DOCK4: variants seen among roughly 807,000 people sequenced by gnomAD.
The protein encoded by DOCK4 is dedicator of cytokinesis protein 4.
DOCK4 carries 97 observed loss-of-function variants against 268.1 expected under a neutral mutation model. The observed-to-expected ratio is 0.36, with a 90% CI of 0.31 to 0.43. The LOEUF is 0.43. Among genes scored for constraint, DOCK4 ranks in the 20% least tolerant of loss-of-function variants. DOCK4 has a pLI of 1.00. For synonymous variants in DOCK4, 954 were observed against 887.2 expected, an observed-to-expected ratio of 1.08 and a Z score of -1.34; for missense variants, 2,145 against 2,455.7, an observed-to-expected ratio of 0.87 and a Z score of 2.67.
intron 1 of DOCK4, among the ~76,000 whole-genome samples, chr7:112,010,990 T>C (rs1234114753): frequency 6.6e-6 from 1 of 152,172 alleles, no homozygotes; most frequent in Non-Finnish European, 1.5e-5. Context: ...TGGAAATCAA[T>C]GACTCTCCCT....
intron 1 of DOCK4, among the ~76,000 whole-genome samples, chr7:112,005,345 AAATT>A (rs1397618741): frequency 2.6e-5 from 4 of 152,190 alleles, no homozygotes; most frequent in Non-Finnish European, 5.9e-5. Flanking sequence ...TCTCAAAACA[AAATT>A]AACAGTAGAG....
At chr7:112,018,166 A>AC (rs1562997140) in intron 1 of DOCK4, among the ~76,000 whole-genome samples, 1 of 143,346 alleles carries the variant, frequency 7.0e-6, no homozygotes, top group East Asian at 2.1e-4. Flanking sequence ...AAAAAAAAAA[A>AC]AAAAAAAAAA....
intron 16 of DOCK4, among the ~76,000 whole-genome samples, chr7:111,891,603 C>A (rs964234505): frequency 6.6e-6 from 1 of 152,174 alleles, no homozygotes; most frequent in African/African-American, 2.4e-5. Flanking sequence ...CCAAAAAATA[C>A]CAACATGTGT....
At chr7:111,878,378 C>T (rs919723087) in intron 16 of DOCK4, among the ~76,000 whole-genome samples, 6 of 152,152 alleles carry the variant, frequency 3.9e-5, no homozygotes, top group Admixed American at 1.3e-4. Context: ...AAATATGAAG[C>T]AGACCAAGAT....
chr7:111,872,015 G>A lies in DOCK4; in HGVS notation c.2002C>T (p.His668Tyr). The change falls in exon 20 of 53, where the codon CAT (histidine) becomes TAT (tyrosine). Residue 668 changes from histidine (H) to tyrosine (Y), a missense_variant. His to Tyr is a moderately conservative substitution (Grantham distance 83). Transcript: ENST00000428084. The part of the protein sequence containing the change: ...KPVMDTYIES[H>Y]FAGALAYRDL... ...CTGTATGCAAGTGCCCCAGCAAAAT[G>A]ACTCTCAATGTAAGTGTCCATTACA... 2 of 1,557,496 alleles carry A rather than the reference G, an allele frequency of 1.3e-6. No homozygotes were observed. The highest frequency in any genetic ancestry group is 1.7e-6 in the Non-Finnish European group (2 of 1,149,978).
chr7:112,046,321 T>A (rs902253144), intron 1 of DOCK4, among the ~76,000 whole-genome samples: 1 of 152,220 alleles, frequency 6.6e-6, no homozygotes, highest in Non-Finnish European at 1.5e-5. Flanking sequence ...TGTTCTGCCT[T>A]GAATCATTTA....
intron 1 of DOCK4, among the ~76,000 whole-genome samples, chr7:112,039,801 A>G (rs1490581178): frequency 3.9e-5 from 6 of 152,182 alleles, no homozygotes; most frequent in Non-Finnish European, 7.4e-5. Flanking sequence ...CATGTTAATA[A>G]CTGAGTTTGA....
At chr7:111,975,127 C>T (rs1286913722) in intron 8 of DOCK4, among the ~76,000 whole-genome samples, 2 of 152,084 alleles carry the variant, frequency 1.3e-5, no homozygotes, top group South Asian at 2.1e-4. Flanking sequence ...ATTAGCTGGG[C>T]GTGGTGGCGG....
intron 1 of DOCK4, among the ~76,000 whole-genome samples, chr7:112,143,101 T>C (rs1815090817): frequency 6.6e-6 from 1 of 151,986 alleles, no homozygotes; most frequent in African/African-American, 2.4e-5. Context: ...ACTCTTTCTA[T>C]GATTTTTGCA....
intron 38 of DOCK4, among the ~76,000 whole-genome samples, chr7:111,765,777 G>A (rs144012596): frequency 6.6e-6 from 1 of 152,330 alleles, no homozygotes; most frequent in African/African-American, 2.4e-5. Flanking sequence ...ATAGTGCAAA[G>A]TGCTGTCTGG....
At chr7:111,982,945 A>G (rs1798721703) in intron 7 of DOCK4, among the ~76,000 whole-genome samples, 2 of 152,242 alleles carry the variant, frequency 1.3e-5, no homozygotes, top group Non-Finnish European at 2.9e-5. Context: ...GTAAGCTAAG[A>G]GGCAGTGATG....
intron 52 of DOCK4, among the ~76,000 whole-genome samples, chr7:111,729,810 C>CACTCCAG (rs940874530): frequency 6.6e-6 from 1 of 152,226 alleles, no homozygotes; most frequent in East Asian, 1.9e-4. Flanking sequence ...CTCCAGCCAT[C>CACTCCAG]ACTCCAGACT....
chr7:111,747,569 G>A, intron 42 of DOCK4, 126 bp from the exon 43 acceptor site: 3 of 904,358 alleles, frequency 3.3e-6, no homozygotes, highest in Non-Finnish European at 4.9e-6. Context: ...TCTACCAGGG[G>A]CCATTCCGTA....
intron 30 of DOCK4, among the ~76,000 whole-genome samples, chr7:111,797,861 T>A (rs1586016619): frequency 6.6e-6 from 1 of 152,202 alleles, no homozygotes; most frequent in East Asian, 1.9e-4. Context: ...AAGGGATGGC[T>A]CATTCTAAAA....
At chr7:112,033,955 G>A (rs1013629227) in intron 1 of DOCK4, among the ~76,000 whole-genome samples, 2 of 152,166 alleles carry the variant, frequency 1.3e-5, no homozygotes, top group Non-Finnish European at 2.9e-5. Flanking sequence ...TACAAATCCT[G>A]CAAGAAAGGA....
chr7:112,152,698 G>T (rs1284718295), intron 1 of DOCK4, among the ~76,000 whole-genome samples: 1 of 151,996 alleles, frequency 6.6e-6, no homozygotes, highest in Non-Finnish European at 1.5e-5. Flanking sequence ...TGTTGCTGAG[G>T]CTGGTCTCAA....
intron 27 of DOCK4, chr7:111,819,699 A>G (rs1801832074): frequency 6.6e-6 from 1 of 152,248 alleles, no homozygotes; most frequent in Non-Finnish European, 1.5e-5. Flanking sequence ...CCAACACATA[A>G]AAGAACATTC....
rs1003430622 is a variant in DOCK4, at chr7:111,739,259, G to C, written c.5123-16C>G. Reference sequence around the variant, plus strand: ...AAAGGAGAAGCTGGGAAGAGAAGGAGAGAGAGGATCATCAGCATGGTAGTG... The same window carrying C: ...AAAGGAGAAGCTGGGAAGAGAAGGACAGAGAGGATCATCAGCATGGTAGTG... On this transcript the variant is annotated splice_polypyrimidine_tract_variant and intron_variant, in intron 48 of 52. Transcript: ENST00000428084. The C allele has an allele frequency of 3.7e-6, 6 of 1,609,688 alleles. No homozygotes were observed. In the Admixed American group the frequency reaches 8.3e-5, roughly 22 times the overall value.
intron 8 of DOCK4, among the ~76,000 whole-genome samples, chr7:111,963,460 A>C (rs1797111926): frequency 9.2e-6 from 1 of 108,734 alleles, no homozygotes; most frequent in African/African-American, 5.1e-5. Context: ...GCACCTGGAA[A>C]ATCGGGTCAC....
Sources: gnomAD v4.1 joint callset for allele counts (sites outside exome capture counted in the v4.1 genomes callset) on GRCh38, gnomAD v4.1.1 for gene constraint, MANE v1.5 for transcripts, NCBI Gene and HGNC (gene_info 2026-07-23, HGNC 2026-07-21) for gene names.